CAST: variants seen among roughly 807,000 people sequenced by gnomAD.
CAST encodes MIR583 host.
In CAST, 76 loss-of-function variants were observed where a neutral mutation model predicts 119.6. The observed-to-expected ratio is 0.64, with a 90% CI of 0.53 to 0.77. The LOEUF is 0.77. Among genes scored for constraint, CAST ranks in the 30% least tolerant of loss-of-function variants. The pLI, the probability that CAST is intolerant of heterozygous loss-of-function variation, is 0.00. For missense variants in CAST, 953 were observed against 946.5 expected (o/e 1.01, Z -0.09); for synonymous variants, 319 against 331.6 (o/e 0.96, Z 0.41).
chr5:96,492,837 G>A, the CAST span, among the ~76,000 whole-genome samples: 1 of 152,178 alleles, frequency 6.6e-6, no homozygotes, highest in East Asian at 1.9e-4. Flanking sequence ...TAACTGAAAA[G>A]GAAATGATTA....
chr5:96,316,418 G>A, the CAST span, among the ~76,000 whole-genome samples: 2 of 152,166 alleles, frequency 1.3e-5, no homozygotes, highest in African/African-American at 2.4e-5. Context: ...GCCCAGCTGA[G>A]AAAGATTGTG....
At chr5:96,432,431 T>C in the CAST span, among the ~76,000 whole-genome samples, 1 of 152,150 alleles carries the variant, frequency 6.6e-6, no homozygotes, top group Non-Finnish European at 1.5e-5. Context: ...TGCTGCCATA[T>C]TGAAAAGAAG....
chr5:96,515,130 CTT>C, the CAST span, among the ~76,000 whole-genome samples: 2 of 151,888 alleles, frequency 1.3e-5, no homozygotes, highest in African/African-American at 4.8e-5. Context: ...CCAATCTTCT[CTT>C]TTCTTAAACG....
the CAST span, among the ~76,000 whole-genome samples, chr5:96,036,189 C>T: frequency 2.7e-5 from 4 of 150,078 alleles, no homozygotes; most frequent in African/African-American, 4.9e-5. Flanking sequence ...CCTAAAGAGA[C>T]AATAGAAGAA....
At chr5:96,055,481 T>A in the CAST span, among the ~76,000 whole-genome samples, 1 of 152,156 alleles carries the variant, frequency 6.6e-6, no homozygotes, top group Non-Finnish European at 1.5e-5. Context: ...CCCAAAGGAA[T>A]GATGAATGCA....
the CAST span, among the ~76,000 whole-genome samples, chr5:96,424,897 A>G: frequency 6.6e-6 from 1 of 151,534 alleles, no homozygotes; most frequent in Non-Finnish European, 1.5e-5. Context: ...CAGGAGACAG[A>G]GATTGCAGTG....
intron 27 of CAST, among the ~76,000 whole-genome samples, chr5:96,766,555 C>A (rs1169242116): frequency 6.6e-6 from 1 of 152,166 alleles, no homozygotes; most frequent in Non-Finnish European, 1.5e-5. Flanking sequence ...GCTCCAAGAC[C>A]TGGGGTCTCC....
chr5:95,963,597 G>A, the CAST span, among the ~76,000 whole-genome samples: 1 of 152,064 alleles, frequency 6.6e-6, no homozygotes, highest in Non-Finnish European at 1.5e-5. Context: ...CTCTTAGAAG[G>A]GAAATAGAGG....
chr5:96,599,865 C>T (rs935550733), intron 1 of CAST, among the ~76,000 whole-genome samples: 1 of 151,300 alleles, frequency 6.6e-6, no homozygotes, highest in African/African-American at 2.4e-5. Flanking sequence ...AGTCTTTTTC[C>T]TTTTTCTGCT....
the CAST span, among the ~76,000 whole-genome samples, chr5:96,148,856 G>T: frequency 1.3e-5 from 2 of 152,360 alleles, no homozygotes; most frequent in East Asian, 3.9e-4. Flanking sequence ...GCAGACTCCA[G>T]TGAGAAGAGC....
At chr5:96,560,870 A>G (rs1213923308) in intron 1 of CAST, among the ~76,000 whole-genome samples, 1 of 152,232 alleles carries the variant, frequency 6.6e-6, no homozygotes, top group African/African-American at 2.4e-5. Flanking sequence ...CCAAAGGATT[A>G]TAAAACATGC....
chr5:96,097,455 T>A, the CAST span, among the ~76,000 whole-genome samples: 151 of 152,106 alleles, frequency 9.9e-4, no homozygotes, highest in African/African-American at 3.3e-3. Context: ...TAAACCTAGT[T>A]CCCATTAGTT....
the CAST span, chr5:96,429,299 G>C: frequency 6.3e-7 from 1 of 1,579,564 alleles, no homozygotes; most frequent in Non-Finnish European, 8.7e-7. Flanking sequence ...AATAAGTAGT[G>C]ATTTTCAAGT....
chr5:96,049,624 G>A, the CAST span, among the ~76,000 whole-genome samples: 1 of 152,052 alleles, frequency 6.6e-6, no homozygotes, highest in Non-Finnish European at 1.5e-5. Flanking sequence ...CTTAGAAAGA[G>A]AAAACAGGAA....
intron 1 of CAST, among the ~76,000 whole-genome samples, chr5:96,571,185 A>G (rs1313058477): frequency 1.3e-5 from 2 of 152,128 alleles, no homozygotes; most frequent in Non-Finnish European, 2.9e-5. Context: ...TCAAATCTGG[A>G]CCTTATTCCA....
intron 2 of CAST, among the ~76,000 whole-genome samples, chr5:96,678,770 C>A (rs1026871387): frequency 1.3e-5 from 2 of 151,972 alleles, no homozygotes; most frequent in African/African-American, 4.8e-5. Flanking sequence ...TCACTTGAAC[C>A]CGGGAGGCAG....
At chr5:96,756,952 C>T (rs534542287) in intron 22 of CAST, among the ~76,000 whole-genome samples, 4 of 152,224 alleles carry the variant, frequency 2.6e-5, no homozygotes, top group African/African-American at 9.6e-5. Context: ...GGCCTTTGTG[C>T]GATTTTCTGT....
chr5:96,199,168 T>C, the CAST span, among the ~76,000 whole-genome samples: 1 of 152,182 alleles, frequency 6.6e-6, no homozygotes, highest in East Asian at 1.9e-4. Flanking sequence ...GAGATTCTCT[T>C]TAAATTTGAG....
intron 1 of CAST, among the ~76,000 whole-genome samples, chr5:96,650,628 T>C (rs1040925994): frequency 1.3e-5 from 2 of 152,126 alleles, no homozygotes; most frequent in Non-Finnish European, 2.9e-5. Flanking sequence ...TCAGAATTAT[T>C]TTATGTAATT....
Sources: allele counts gnomAD v4.1 joint callset (sites outside exome capture counted in the v4.1 genomes callset), GRCh38; gene constraint gnomAD v4.1.1; transcripts MANE v1.5; gene names NCBI Gene and HGNC (gene_info 2026-07-23, HGNC 2026-07-21).